Variants in CREBBP observed in about 807,000 individuals in gnomAD.
CREBBP encodes the protein CREB-binding protein.
A neutral mutation model predicts 265.0 loss-of-function variants in CREBBP; 19 were observed. That is an observed-to-expected ratio of 0.07 (90% CI 0.05 to 0.11). The LOEUF is 0.11. Ranked by LOEUF, CREBBP falls within the 10% of genes least tolerant of loss-of-function variation. The probability of loss-of-function intolerance (pLI) is 1.00; values close to 1 mark genes in which losing one functional copy is unlikely to be tolerated. For missense variants in CREBBP, 2,525 were observed against 3,219.0 expected, an observed-to-expected ratio of 0.78 and a Z score of 5.22; for synonymous variants, 1,457 against 1,223.7, an observed-to-expected ratio of 1.19 and a Z score of -3.98.
At chr16:3,761,053 C>T (rs2052706074) in intron 16 of CREBBP, among the ~76,000 whole-genome samples, 1 of 152,112 alleles carries the variant, frequency 6.6e-6, no homozygotes, top group South Asian at 2.1e-4. Flanking sequence ...CTCCCGGGTT[C>T]AAGCGATTCT....
In CREBBP at chr16:3,792,012, C is replaced by G. The variant is rs2053518270; in HGVS notation, c.1299G>C (p.Leu433Phe). The change falls in exon 5 of 31, where the codon TTG (leucine) becomes TTC (phenylalanine). Residue 433 changes from leucine to phenylalanine, a missense_variant. Around this residue, in one of 19 missense-constraint regions of CREBBP, gnomAD observed 7 missense variants for 39.8 expected, o/e 0.18. Transcript: ENST00000262367. ...TRHDCPVCLP[L>F]KNASDKRNQQ... ...GGTTTCGCTTGTCACTGGCATTTTTCAAAGGGAGGCAAACAGGACAGTCAT... is the reference window on the plus strand; with the variant it reads ...GGTTTCGCTTGTCACTGGCATTTTTGAAAGGGAGGCAAACAGGACAGTCAT... 6.2e-7 allele frequency: 1 copy of G among 1,614,052 alleles called. No individual in the cohort carries two copies. The highest frequency in any genetic ancestry group is 1.7e-5 in the Admixed American group (1 of 60,004).
At chr16:3,831,369 G>A (rs1213698202) in intron 2 of CREBBP, among the ~76,000 whole-genome samples, 3 of 152,040 alleles carry the variant, frequency 2.0e-5, no homozygotes, top group Non-Finnish European at 4.4e-5. Context: ...AGTATTTGGG[G>A]TACTTTTTTA....
intron 2 of CREBBP, among the ~76,000 whole-genome samples, chr16:3,813,875 G>C (rs1249084720): frequency 6.6e-6 from 1 of 152,178 alleles, no homozygotes; most frequent in Admixed American, 6.5e-5. Context: ...ACAAACCAAA[G>C]TGGGTGACAG....
intron 23 of CREBBP, among the ~76,000 whole-genome samples, chr16:3,744,266 A>G (rs1019901246): frequency 6.6e-6 from 1 of 152,154 alleles, no homozygotes; most frequent in Admixed American, 6.6e-5. Flanking sequence ...CTGTAGCAGA[A>G]GCCAGCACCC....
chr16:3,863,799 C>T (rs2055123836), intron 1 of CREBBP, among the ~76,000 whole-genome samples: 1 of 152,100 alleles, frequency 6.6e-6, no homozygotes, highest in African/African-American at 2.4e-5. Context: ...TTCCCTCAGC[C>T]CTGAAGGGTG....
chr16:3,774,380 ATAAC>A (rs1011637586), intron 12 of CREBBP, among the ~76,000 whole-genome samples, 185 bp downstream of exon 12: 7 of 152,360 alleles, frequency 4.6e-5, no homozygotes, highest in African/African-American at 1.4e-4. Context: ...TTCCAATAAA[ATAAC>A]TAACAGTCAA....
chr16:3,851,288 CAAAAAAAAAAAAAAAATTAAA>C (rs1157991850), intron 1 of CREBBP, among the ~76,000 whole-genome samples: 2 of 22,866 alleles, frequency 8.7e-5, no homozygotes, highest in South Asian at 1.4e-3. Flanking sequence ...AACACCGTCT[CAAAAAAAAAAAAAAAATTAAA>C]AAAAAAAAAA....
At chr16:3,835,926 C>T (rs1444240991) in intron 2 of CREBBP, among the ~76,000 whole-genome samples, 1 of 151,834 alleles carries the variant, frequency 6.6e-6, no homozygotes, top group African/African-American at 2.4e-5. Context: ...CCCCAATGTC[C>T]ATTAATGGGA....
At chr16:3,785,796 G>A (rs2053372890) in intron 5 of CREBBP, among the ~76,000 whole-genome samples, 1 of 152,176 alleles carries the variant, frequency 6.6e-6, no homozygotes, top group Admixed American at 6.5e-5. Flanking sequence ...TTCCTCGCTA[G>A]AGCATAAAGC....
chr16:3,803,101 C>T (rs1400426594), intron 3 of CREBBP, among the ~76,000 whole-genome samples: 2 of 151,946 alleles, frequency 1.3e-5, no homozygotes, highest in African/African-American at 2.4e-5. Flanking sequence ...CACAACATAG[C>T]TATTTTCATA....
At chr16:3,814,163 TAGTGTG>T (rs1567333914) in intron 2 of CREBBP, among the ~76,000 whole-genome samples, 1 of 124,050 alleles carries the variant, frequency 8.1e-6, no homozygotes, top group African/African-American at 3.6e-5. Context: ...CAATGTTGTT[TAGTGTG>T]TGTGTGTGTG....
chr16:3,743,959 C>T (rs2052278725), intron 23 of CREBBP, among the ~76,000 whole-genome samples: 1 of 152,006 alleles, frequency 6.6e-6, no homozygotes, highest in East Asian at 1.9e-4. Flanking sequence ...GCCTGTAGTC[C>T]CAGCTACTCG....
chr16:3,845,140 A>G (rs2054639625), intron 2 of CREBBP, among the ~76,000 whole-genome samples: 1 of 152,218 alleles, frequency 6.6e-6, no homozygotes, highest in Non-Finnish European at 1.5e-5. Flanking sequence ...GGCTGCCATG[A>G]AAGTCATCTG....
chr16:3,745,346 T>C lies in CREBBP; in HGVS notation c.3845A>G (p.Asp1282Gly), dbSNP rs760692032. 19 of 1,613,898 alleles carry C rather than the reference T, an allele frequency of 1.2e-5. No individual in the cohort carries two copies. Among genetic ancestry groups the C allele is most frequent in the Non-Finnish European group, 1.7e-6 (2 of 1,179,976 alleles). The change falls in exon 22 of 31, where the codon GAT becomes GGT. Residue 1282 changes from aspartate to glycine, a missense_variant. This residue lies in a region of CREBBP where 252 missense variants were observed against 452.5 expected (regional missense o/e 0.56). Transcript: ENST00000262367. ...CATCTTCCGGCCACACTCCTTGCAA[T>C]CAACGAAACTAGGAGGCAAAGAAGG... Reference protein sequence around the residue: ...NDTLDPEPFVDCKECGRKMHQ... With the variant: ...NDTLDPEPFVGCKECGRKMHQ...
intron 23 of CREBBP, 190 bp from the exon 24 acceptor site, chr16:3,740,739 T>A: frequency 1.4e-6 from 1 of 714,032 alleles, no homozygotes; most frequent in Non-Finnish European, 2.4e-6. Context: ...GACTCTGGGA[T>A]CTCAGGCACT....
At chr16:3,869,677 G>T (rs2055252990) in intron 1 of CREBBP, among the ~76,000 whole-genome samples, 1 of 152,146 alleles carries the variant, frequency 6.6e-6, no homozygotes, top group Non-Finnish European at 1.5e-5. Context: ...GTGGCTCGTG[G>T]TTCCAGTACT....
intron 1 of CREBBP, among the ~76,000 whole-genome samples, chr16:3,852,813 T>G (rs926378190): frequency 3.9e-5 from 6 of 152,240 alleles, no homozygotes; most frequent in African/African-American, 1.2e-4. Context: ...TCTGGTCCCT[T>G]TCAAAGTAAC....
chr16:3,762,534 C>G (rs1009929957), intron 16 of CREBBP, among the ~76,000 whole-genome samples: 2 of 151,764 alleles, frequency 1.3e-5, no homozygotes, highest in African/African-American at 4.8e-5. Flanking sequence ...TAAGAAGATC[C>G]CATATGTGCA....
At chr16:3,821,423 G>A (rs2054139354) in intron 2 of CREBBP, among the ~76,000 whole-genome samples, 1 of 152,164 alleles carries the variant, frequency 6.6e-6, no homozygotes, top group South Asian at 2.1e-4. Flanking sequence ...CGTGGAGCAA[G>A]GTCTTCCATC....
Sources: allele counts gnomAD v4.1 joint callset (sites outside exome capture counted in the v4.1 genomes callset), GRCh38; gene constraint gnomAD v4.1.1; regional missense constraint gnomAD v4.1.1; transcripts MANE v1.5; gene names NCBI Gene and HGNC (gene_info 2026-07-23, HGNC 2026-07-21).